The following ASB13 variants were observed in gnomAD, a reference collection of about 807,000 sequenced individuals.
ASB13 encodes the protein ankyrin repeat and SOCS box protein 13.
A neutral mutation model predicts 28.8 loss-of-function variants in ASB13; 33 were observed. That is an observed-to-expected ratio of 1.15 (90% confidence interval 0.87 to 1.53). The LOEUF (loss-of-function observed/expected upper bound fraction) is 1.53, where lower values mean the gene tolerates loss of function less well. Ranked by LOEUF, ASB13 falls within the 40% of genes most tolerant of loss-of-function variation. ASB13 has a pLI of 0.00. For synonymous variants in ASB13, 182 were observed against 172.9 expected (o/e 1.05, Z -0.41); for missense variants, 414 against 390.1 (o/e 1.06, Z -0.52).
At position 5,642,016 on chromosome 10, in the gene ASB13, G is replaced by A. The variant is rs556388764; in HGVS notation, c.518-55C>T. On this transcript the variant is annotated intron_variant, in intron 4 of 5. Coordinates refer to ENST00000357700, the MANE Select transcript of ASB13 (RefSeq NM_024701.4). The surrounding 1 kb of genome is among the most constrained non-coding windows in gnomAD (Gnocchi z 4.1). ...ACCAAGAAGAGAACTTGAAGTCAGG[G>A]GGACAATCAGGTCCGTTTCGTCACA... The A allele has an allele frequency of 3.7e-5, 58 of 1,547,402 alleles. 1 individual carries two copies. The South Asian group carries it at 6.3e-4, about 17-fold the overall frequency.
At chr10:5,648,306 C>A (rs377383827) in intron 4 of ASB13, among the ~76,000 whole-genome samples, 1 of 151,004 alleles carries the variant, frequency 6.6e-6, no homozygotes, top group East Asian at 1.9e-4. Context: ...CAGGTAAACA[C>A]CCACTCAGGC....
Position 5,652,138 on chromosome 10 carries a change from A to G in ASB13, c.231+725T>C, listed in dbSNP as rs1282467648. On this transcript the variant is annotated intron_variant, in intron 2 of 5. Transcript: ENST00000357700. This position sits in a 1 kb window ranked among gnomAD's most constrained non-coding sequence, Gnocchi z 5.0. Reference sequence around the variant, plus strand: ...CCTAGTGAGAAAGTCAGAGGCCAGGAAAAAGGCAACTCCCCAAATTGGCAA... The same window carrying G: ...CCTAGTGAGAAAGTCAGAGGCCAGGGAAAAGGCAACTCCCCAAATTGGCAA... Among the ~76,000 whole-genome samples, 2 of 152,048 alleles carry G rather than the reference A, an allele frequency of 1.3e-5. No individual in the cohort carries two copies. Among genetic ancestry groups the G allele is most frequent in the Non-Finnish European group, 2.9e-5 (2 of 68,006 alleles).
At chr10:5,662,047 G>T (rs1835175528) in intron 1 of ASB13, among the ~76,000 whole-genome samples, 1 of 152,170 alleles carries the variant, frequency 6.6e-6, no homozygotes, top group Admixed American at 6.5e-5. Flanking sequence ...CACCCTGGAA[G>T]AACCAAGGCA....
Position 5,641,938 on chromosome 10 carries a change from G to T in ASB13, c.541C>A (p.Leu181Ile). Residue 181 changes from leucine (L) to isoleucine (I), a missense_variant, in exon 5 of 6, where the codon CTT becomes ATT. By Grantham distance (5) the Leu-to-Ile change is conservative. Coordinates refer to ENST00000357700, the MANE Select transcript of ASB13 (RefSeq NM_024701.4). This position sits in a 1 kb window ranked among gnomAD's most constrained non-coding sequence, Gnocchi z 8.4. ...GCGTGGTGAAGGGCAGTCTCATGAA[G>T]CTTTGCCGCATTCACGTTGGCCCCT... ...NAGANVNAAK[L>I]HETALHHAAK... is the part of the protein sequence containing the mutation. 6.2e-7 allele frequency: 1 copy of T among 1,608,026 alleles called. No homozygotes were observed. The highest frequency in any genetic ancestry group is 1.7e-5 in the Admixed American group (1 of 59,950).
In ASB13 at chr10:5,649,140, A is replaced by T. The variant is rs201544265; in HGVS notation, c.383-36T>A. On this transcript the variant is annotated intron_variant, in intron 3 of 5. Transcript: ENST00000357700. The surrounding 1 kb of genome is among the most constrained non-coding windows in gnomAD (Gnocchi z 6.4). ...ATGGAAAAGGGGGGGAATGTCCTTGAATACGGACACTGGAGACAACAAGCA... is the reference window on the plus strand; with the variant it reads ...ATGGAAAAGGGGGGGAATGTCCTTGTATACGGACACTGGAGACAACAAGCA... 155 of 1,612,414 alleles carry T rather than the reference A, an allele frequency of 9.6e-5. No homozygotes were observed. In the South Asian group the frequency reaches 1.4e-3, roughly 14 times the overall value.
rs975730199 is a variant in ASB13, at chr10:5,652,766, C to T, written c.231+97G>A. 1 of 1,300,584 alleles carries T rather than the reference C, an allele frequency of 7.7e-7. No individual in the cohort carries two copies. Among genetic ancestry groups the T allele is most frequent in the South Asian group, 1.5e-5 (1 of 66,750 alleles). The allele number at this position is 1,300,584 out of a possible 1,614,324, so 80.6% of individuals were successfully genotyped here. ...CCTGTGTGCAGTGGACACAGTGCAG[C>T]CCCCATCCTCCCCTCTTTCCCAAGT... On this transcript the variant is annotated intron_variant, in intron 2 of 5. Coordinates refer to ENST00000357700, the MANE Select transcript of ASB13 (RefSeq NM_024701.4). The surrounding 1 kb of genome is among the most constrained non-coding windows in gnomAD (Gnocchi z 5.0).
chr10:5,644,959 GCAGAGACAGAGACA>G lies in ASB13; in HGVS notation c.518-3012_518-2999del, dbSNP rs1209192028. On this transcript the variant is annotated intron_variant, in intron 4 of 5. Coordinates refer to ENST00000357700, the MANE Select transcript of ASB13 (RefSeq NM_024701.4). This position sits in a 1 kb window ranked among gnomAD's most constrained non-coding sequence, Gnocchi z 5.1. ...ACTGAGAGGCAAGAGAAAGACTGAG[GCAGAGACAGAGACA>G]CAGAGACAGAGAGAGACAAAGACAG... 1.3e-5 allele frequency among the ~76,000 whole-genome samples: 2 copies of G among 152,152 alleles called. No individual in the cohort carries two copies. Among genetic ancestry groups the G allele is most frequent in the Admixed American group, 1.3e-4 (2 of 15,270 alleles).
At chr10:5,648,039 T>G (rs151102166) in intron 4 of ASB13, among the ~76,000 whole-genome samples, 167 of 99,664 alleles carry the variant, frequency 1.7e-3, no homozygotes, top group South Asian at 3.0e-3. Context: ...AAACACCTAC[T>G]CAGGCAAACA....
intron 1 of ASB13, among the ~76,000 whole-genome samples, chr10:5,662,644 A>C (rs1403688782): frequency 2.0e-5 from 3 of 151,656 alleles, no homozygotes; most frequent in African/African-American, 7.3e-5. Context: ...AAGAGATGAG[A>C]TCCTGGATGA....
chr10:5,653,137 C>A (rs1835016923), intron 1 of ASB13, 87 bp from the exon 2 acceptor site: 1 of 1,288,256 alleles, frequency 7.8e-7, no homozygotes, highest in Non-Finnish European at 1.1e-6. Context: ...GTCCCTGATG[C>A]CACCAAGGCA....
At position 5,645,401 on chromosome 10, in the gene ASB13, T is replaced by A. The variant is rs986008939; in HGVS notation, c.518-3440A>T. 5.3e-5 allele frequency among the ~76,000 whole-genome samples: 8 copies of A among 152,138 alleles called. No individual in the cohort carries two copies. The highest frequency in any genetic ancestry group is 1.2e-4 in the Non-Finnish European group (8 of 68,016). ...CGCTTCCGAACACTCCTGGCAGAGT[T>A]CAACATTCACTGTCAGTGATCAGAT... is the stretch of plus-strand genomic sequence containing the variant. On this transcript the variant is annotated intron_variant, in intron 4 of 5. Coordinates refer to ENST00000357700, the MANE Select transcript of ASB13 (RefSeq NM_024701.4). This position sits in a 1 kb window ranked among gnomAD's most constrained non-coding sequence, Gnocchi z 5.4.
rs3750642 is a variant in ASB13, at chr10:5,641,686, C to T, written c.709+84G>A. On this transcript the variant is annotated intron_variant, in intron 5 of 5. Coordinates refer to ENST00000357700, the MANE Select transcript of ASB13 (RefSeq NM_024701.4). The surrounding 1 kb of genome is among the most constrained non-coding windows in gnomAD (Gnocchi z 8.4). ...AGCCAGGACTAACAGCCCAGCTCTC[C>T]GCGGAAGCCCACAGGGAGCCGGCAC... 644,420 of 1,407,374 alleles carry T rather than the reference C, an allele frequency of 0.46. 150,490 individuals are homozygous for T. The highest frequency in any genetic ancestry group is 0.72 in the East Asian group (28,717 of 39,774). 87.2% of individuals were successfully genotyped at this position (1,407,374 alleles called of 1,614,324 possible). A position where few individuals can be genotyped will look rare whatever the true frequency, so the allele number is the denominator to read the frequency against.
Position 5,651,199 on chromosome 10 carries a change from G to T in ASB13, c.382+14C>A. 1 of 1,594,544 alleles carries T rather than the reference G, an allele frequency of 6.3e-7. No homozygotes were observed. Among genetic ancestry groups the T allele is most frequent in the Non-Finnish European group, 8.5e-7 (1 of 1,169,970 alleles). ...AGAGCCCAGCTGGGCCAGCCCAGCC[G>T]TCTGCCAACTCACCGCTCATGCAGG... is the stretch of plus-strand genomic sequence containing the variant. On this transcript the variant is annotated intron_variant, in intron 3 of 5. Transcript: ENST00000357700. The surrounding 1 kb of genome is among the most constrained non-coding windows in gnomAD (Gnocchi z 5.1).
chr10:5,653,294 C>T (rs1835018854), intron 1 of ASB13, among the ~76,000 whole-genome samples: 2 of 152,240 alleles, frequency 1.3e-5, no homozygotes, highest in African/African-American at 4.8e-5. Context: ...GTCCACCTCC[C>T]ACCCCTGCCC....
rs1012406761 is a variant in ASB13, at chr10:5,661,123, G to A, written c.43+5386C>T. On this transcript the variant is annotated intron_variant, in intron 1 of 5. Coordinates refer to ENST00000357700, the MANE Select transcript of ASB13 (RefSeq NM_024701.4). The surrounding 1 kb of genome is among the most constrained non-coding windows in gnomAD (Gnocchi z 4.9). Reference sequence around the variant, plus strand: ...AGAGCCCCACTCGTTGGGCCCAAGTGGCAGCTCTGTGCCCAGGCCCGGCCA... The same window carrying A: ...AGAGCCCCACTCGTTGGGCCCAAGTAGCAGCTCTGTGCCCAGGCCCGGCCA... Among the ~76,000 whole-genome samples the A allele has an allele frequency of 2.0e-5, 3 of 152,206 alleles. No individual in the cohort carries two copies. The highest frequency in any genetic ancestry group is 7.2e-5 in the African/African-American group (3 of 41,450).
chr10:5,648,868 A>C, intron 4 of ASB13, 102 bp downstream of exon 4: 10 of 1,552,682 alleles, frequency 6.4e-6, no homozygotes, highest in Non-Finnish European at 7.8e-6. Flanking sequence ...GTAAACACCC[A>C]CTCGGGCAAA....
At position 5,652,875 on chromosome 10, in the gene ASB13, C is replaced by T. The variant is rs749159884; in HGVS notation, c.219G>A (p.Ala73=). Reference sequence around the variant, plus strand: ...AAGGGCCACTCACCTGGGCCCCAGCCGCCAGCAGCAGCTGCACACACCGCG... The same window carrying T: ...AAGGGCCACTCACCTGGGCCCCAGCTGCCAGCAGCAGCTGCACACACCGCG... ...GQARCVQLLL[A]AGAQVDARNI... is the part of the protein sequence containing the mutation. The change falls in exon 2 of 6, where the codon GCG becomes GCA. Residue 73 remains alanine (A), a synonymous_variant. Coordinates refer to ENST00000357700, the MANE Select transcript of ASB13 (RefSeq NM_024701.4). The surrounding 1 kb of genome is among the most constrained non-coding windows in gnomAD (Gnocchi z 5.0). 17 of 1,551,140 alleles carry T rather than the reference C, an allele frequency of 1.1e-5. No homozygotes were observed. The highest frequency in any genetic ancestry group is 1.4e-5 in the African/African-American group (1 of 74,026).
In ASB13 at chr10:5,664,680, A is replaced by C. The variant is rs115801071; in HGVS notation, c.43+1829T>G. 0.021 allele frequency among the ~76,000 whole-genome samples: 3,161 copies of C among 152,080 alleles called. 114 individuals carry two copies. Among genetic ancestry groups the C allele is most frequent in the African/African-American group, 0.071 (2,943 of 41,468 alleles). On this transcript the variant is annotated intron_variant, in intron 1 of 5. Coordinates refer to ENST00000357700, the MANE Select transcript of ASB13 (RefSeq NM_024701.4). The surrounding 1 kb of genome is among the most constrained non-coding windows in gnomAD (Gnocchi z 4.2). ...GCAGAATTTCTTTATTTCTTTATTT[A>C]TTTATTTTATTTATTTTTGAGACGG...
In ASB13 at chr10:5,652,781, C is replaced by T. The variant is rs945865673; in HGVS notation, c.231+82G>A. 1.4e-6 allele frequency: 2 copies of T among 1,405,210 alleles called. No individual in the cohort carries two copies. The highest frequency in any genetic ancestry group is 2.5e-5 in the Admixed American group (1 of 39,322). The allele number at this position is 1,405,210 out of a possible 1,614,324, so 87.0% of individuals were successfully genotyped here. On this transcript the variant is annotated intron_variant, in intron 2 of 5. Coordinates refer to ENST00000357700, the MANE Select transcript of ASB13 (RefSeq NM_024701.4). This position sits in a 1 kb window ranked among gnomAD's most constrained non-coding sequence, Gnocchi z 5.0. Reference sequence around the variant, plus strand: ...CACAGTGCAGCCCCCATCCTCCCCTCTTTCCCAAGTTCTCCTGAGTCAACC... The same window carrying T: ...CACAGTGCAGCCCCCATCCTCCCCTTTTTCCCAAGTTCTCCTGAGTCAACC...
Sources: allele counts gnomAD v4.1 joint callset (sites outside exome capture counted in the v4.1 genomes callset), GRCh38; gene constraint gnomAD v4.1.1; non-coding constraint Gnocchi (gnomAD v3.1); transcripts MANE v1.5; gene names NCBI Gene and HGNC (gene_info 2026-07-23, HGNC 2026-07-21).